Variants in C19orf38 observed in about 807,000 individuals in gnomAD.
The protein encoded by C19orf38 is protein HIDE1.
A neutral mutation model predicts 26.6 loss-of-function variants in C19orf38; 14 were observed. The observed-to-expected ratio is 0.53, with a 90% CI of 0.35 to 0.82. The LOEUF is 0.82. Among genes scored for constraint, C19orf38 ranks in the 40% least tolerant of loss-of-function variants. The pLI is 0.01. For missense variants in C19orf38, 261 were observed against 299.5 expected, an observed-to-expected ratio of 0.87 and a Z score of 0.95; for synonymous variants, 132 against 128.5, an observed-to-expected ratio of 1.03 and a Z score of -0.18.
intron 6 of C19orf38, 140 bp from the exon 7 acceptor site, chr19:10,869,078 C>T (rs1369890132): frequency 5.5e-6 from 6 of 1,087,228 alleles, no homozygotes; most frequent in Admixed American, 5.0e-5. Context: ...AAGGGAAGAC[C>T]AGGACAGGTG....
At chr19:10,843,977 G>A (rs1487408184), upstream of C19orf38, among the ~76,000 whole-genome samples, 1 of 152,154 alleles carries the variant, frequency 6.6e-6, no homozygotes, top group East Asian at 1.9e-4. Context: ...GCCAGCCGTA[G>A]TGGTGCATGC....
chr19:10,859,889 T>A (rs1371263203), intron 4 of C19orf38, 26 bp from the exon 5 acceptor site: 1 of 1,550,476 alleles, frequency 6.4e-7, no homozygotes, highest in South Asian at 1.2e-5. Flanking sequence ...CTGATCCCTG[T>A]CACTTTCTCC....
chr19:10,857,538 C>T (rs1264779426), intron 3 of C19orf38, among the ~76,000 whole-genome samples: 9 of 149,814 alleles, frequency 6.0e-5, no homozygotes, highest in Non-Finnish European at 1.2e-4. Flanking sequence ...CTCAGCCTCC[C>T]GAGTAGCTGG....
chr19:10,864,831 G>C (rs1482908970), intron 6 of C19orf38, among the ~76,000 whole-genome samples: 3 of 152,136 alleles, frequency 2.0e-5, no homozygotes, highest in Non-Finnish European at 4.4e-5. Context: ...GGAGGGTGAG[G>C]CTTGGAGGGT....
At chr19:10,864,439 A>G (rs2073732158) in intron 6 of C19orf38, among the ~76,000 whole-genome samples, 1 of 152,084 alleles carries the variant, frequency 6.6e-6, no homozygotes, top group Non-Finnish European at 1.5e-5. Flanking sequence ...CTGAGGACAC[A>G]TTTTTGGCAC....
At chr19:10,865,173 ATGGAGTCTTGCTCTGTCACCCAGGC>A (rs1367304067) in intron 6 of C19orf38, among the ~76,000 whole-genome samples, 1 of 152,084 alleles carries the variant, frequency 6.6e-6, no homozygotes, top group Non-Finnish European at 1.5e-5. Context: ...GTTTTTTGAG[ATGGAGTCTTGCTCTGTCACCCAGGC>A]TGGAGTGCAG....
chr19:10,864,603 C>T (rs1430325642), intron 6 of C19orf38, among the ~76,000 whole-genome samples: 4 of 152,082 alleles, frequency 2.6e-5, no homozygotes, highest in African/African-American at 7.2e-5. Flanking sequence ...GTGGCTTCTG[C>T]AGGAGGACAG....
intron 2 of C19orf38, among the ~76,000 whole-genome samples, chr19:10,853,679 T>A: frequency 7.1e-6 from 1 of 141,756 alleles, no homozygotes; most frequent in Non-Finnish European, 1.5e-5. Flanking sequence ...AACCTCTGCC[T>A]CCCGGGTTCA....
chr19:10,837,190 CAGT>C (rs1268371088), intron 1 of C19orf38, among the ~76,000 whole-genome samples: 2 of 152,152 alleles, frequency 1.3e-5, no homozygotes, highest in African/African-American at 4.8e-5. Flanking sequence ...CACAGGCCCT[CAGT>C]AAATAATAAT....
chr19:10,854,835 T>C (rs1047786966), intron 2 of C19orf38, among the ~76,000 whole-genome samples: 3 of 151,980 alleles, frequency 2.0e-5, no homozygotes, highest in Non-Finnish European at 4.4e-5. Flanking sequence ...TCACACTGGC[T>C]CTACCAGCAA....
chr19:10,837,261 A>G, intron 1 of C19orf38, among the ~76,000 whole-genome samples: 1 of 152,196 alleles, frequency 6.6e-6, no homozygotes, highest in East Asian at 1.9e-4. Context: ...TTAGTCTTCA[A>G]AGATAAACCC....
At chr19:10,853,975 C>T (rs1224537189) in intron 2 of C19orf38, among the ~76,000 whole-genome samples, 1 of 150,810 alleles carries the variant, frequency 6.6e-6, no homozygotes, top group Non-Finnish European at 1.5e-5. Flanking sequence ...ATCACTTAAG[C>T]CGGGGAGGTA....
At chr19:10,866,177 A>G (rs1029342643) in intron 6 of C19orf38, among the ~76,000 whole-genome samples, 20 of 149,070 alleles carry the variant, frequency 1.3e-4, no homozygotes, top group African/African-American at 4.4e-4. Context: ...AGCTGGGATT[A>G]TAGGTGCCTG....
chr19:10,847,765 C>T (rs2073530107), upstream of C19orf38, among the ~76,000 whole-genome samples: 2 of 152,186 alleles, frequency 1.3e-5, no homozygotes, highest in Admixed American at 6.6e-5. Flanking sequence ...AAGCCCTAAC[C>T]ACCATGTCCT....
intron 1 of C19orf38, among the ~76,000 whole-genome samples, chr19:10,839,728 G>GT (rs2073465388): frequency 7.1e-6 from 1 of 141,212 alleles, no homozygotes; most frequent in African/African-American, 2.6e-5. Context: ...TTTTTCTTTT[G>GT]TTCTTTTTTT....
intron 2 of C19orf38, among the ~76,000 whole-genome samples, chr19:10,855,629 A>G (rs868665248): frequency 2.0e-4 from 30 of 152,128 alleles, no homozygotes; most frequent in African/African-American, 6.8e-4. Context: ...CCCGGGTTCA[A>G]GTGATTCTCC....
intron 3 of C19orf38, among the ~76,000 whole-genome samples, chr19:10,857,364 A>ATTTTTT (rs1484640109): frequency 4.2e-4 from 33 of 78,168 alleles, no homozygotes; most frequent in African/African-American, 3.1e-3. Context: ...ATATATATAT[A>ATTTTTT]TATTTTTTTT....
chr19:10,858,782 C>T (rs557842070), intron 4 of C19orf38, among the ~76,000 whole-genome samples: 86 of 152,200 alleles, frequency 5.7e-4, no homozygotes, highest in African/African-American at 2.0e-3. Context: ...GGCCCAGGTT[C>T]CTGGGCACCA....
rs1188423007 is a variant in C19orf38, at chr19:10,857,315, TATAC to T, written c.433+964_433+967del. 3.0e-5 allele frequency among the ~76,000 whole-genome samples: 4 copies of T among 133,070 alleles called. No homozygotes were observed. In the East Asian group the frequency reaches 8.7e-4, roughly 29 times the overall value. 87.3% of individuals were successfully genotyped at this position (133,070 alleles called of 152,430 possible). On this transcript the variant is annotated intron_variant, in intron 3 of 6. Coordinates refer to ENST00000397820, the MANE Select transcript of C19orf38 (RefSeq NM_001136482.3). ...ATGTATATATATATGTGTGTATATA[TATAC>T]ATACACACACACACACATACATATA...
Sources: allele counts gnomAD v4.1 joint callset (sites outside exome capture counted in the v4.1 genomes callset), GRCh38; gene constraint gnomAD v4.1.1; transcripts MANE v1.5; gene names NCBI Gene and HGNC (gene_info 2026-07-23, HGNC 2026-07-21).